The following TSHR variants were observed in gnomAD, a reference collection of about 807,000 sequenced individuals.
TSHR encodes the protein thyrotropin receptor.
Under a neutral mutation model 64.1 loss-of-function variants are expected in TSHR, and 51 were observed. That is an observed-to-expected ratio of 0.80 (90% confidence interval 0.64 to 1.01). The LOEUF (loss-of-function observed/expected upper bound fraction) is 1.01. Ranked by LOEUF, TSHR falls within the 50% of genes least tolerant of loss-of-function variation. TSHR has a pLI of 0.00. For synonymous variants in TSHR, 361 were observed against 361.9 expected, an observed-to-expected ratio of 1.00 and a Z score of 0.03; for missense variants, 877 against 942.8, an observed-to-expected ratio of 0.93 and a Z score of 0.91.
intron 7 of TSHR, 105 bp downstream of exon 7, chr14:81,096,812 C>T (rs1566811630): frequency 1.2e-5 from 15 of 1,278,532 alleles, no homozygotes; most frequent in Middle Eastern, 1.9e-4. Context: ...GCATCTTCCA[C>T]GCCAGAGTTA....
chr14:81,143,176 C>G lies in TSHR; in HGVS notation c.1118C>G (p.Pro373Arg), dbSNP rs749925257. ...GGTTTTGGCCAGGAGCTCAAAAACC[C>G]CCAGGAAGAGACTCTACAAGCTTTT... Reference protein sequence around the residue: ...IIGFGQELKNPQEETLQAFDS... With the variant: ...IIGFGQELKNRQEETLQAFDS... Residue 373 changes from proline (P) to arginine (R), a missense_variant, in exon 10 of 10, where the codon CCC (proline) becomes CGC (arginine). Pro to Arg is a moderately radical substitution (Grantham distance 103, BLOSUM62 -2). Transcript: ENST00000298171. 4 of 1,613,934 alleles carry G rather than the reference C, an allele frequency of 2.5e-6. No individual in the cohort carries two copies. In the African/African-American group the frequency reaches 5.3e-5, roughly 22 times the overall value.
intron 8 of TSHR, among the ~76,000 whole-genome samples, chr14:81,123,780 G>T (rs1346328143): frequency 2.6e-5 from 4 of 152,058 alleles, no homozygotes; most frequent in African/African-American, 9.7e-5. Flanking sequence ...TCCAATATTT[G>T]CTGTTTTTCA....
intron 1 of TSHR, among the ~76,000 whole-genome samples, chr14:81,060,419 T>G (rs1400081077): frequency 1.3e-5 from 2 of 152,136 alleles, no homozygotes; most frequent in Non-Finnish European, 2.9e-5. Flanking sequence ...GGAGAACAAG[T>G]AATTTATGGG....
At chr14:81,034,523 A>G (rs917770760) in intron 1 of TSHR, among the ~76,000 whole-genome samples, 1 of 152,242 alleles carries the variant, frequency 6.6e-6, no homozygotes, top group African/African-American at 2.4e-5. Flanking sequence ...TGAATCTGCC[A>G]TTTGTGAATT....
At chr14:80,986,583 T>A (rs1025856477) in intron 1 of TSHR, among the ~76,000 whole-genome samples, 1 of 152,158 alleles carries the variant, frequency 6.6e-6, no homozygotes, top group Non-Finnish European at 1.5e-5. Flanking sequence ...CCCTCCTGGG[T>A]CCAGGCGATT....
rs772420651 is a variant in TSHR, at chr14:81,068,236, T to C, written c.243-18T>C. The C allele has an allele frequency of 1.1e-5, 18 of 1,611,492 alleles. No homozygotes were observed. The highest frequency in any genetic ancestry group is 1.5e-5 in the Non-Finnish European group (18 of 1,178,374). On this transcript the variant is annotated intron_variant, in intron 2 of 9. Coordinates refer to ENST00000298171, the MANE Select transcript of TSHR (RefSeq NM_000369.5). ...CTTACTAACTTTCTACTTTGTCTTA[T>C]ATTTTTCTGACATTCAGCTACGTAT... is the stretch of plus-strand genomic sequence containing the variant.
At chr14:81,114,609 G>A (rs1473262585) in intron 8 of TSHR, among the ~76,000 whole-genome samples, 1 of 152,164 alleles carries the variant, frequency 6.6e-6, no homozygotes, top group Non-Finnish European at 1.5e-5. Context: ...GGGGAGGGGC[G>A]CCCACCATTG....
chr14:81,091,295 C>A, intron 5 of TSHR, 152 bp downstream of exon 5: 1 of 753,600 alleles, frequency 1.3e-6, no homozygotes. Flanking sequence ...TGAAGTAAGG[C>A]AAGGACTGAG....
chr14:81,008,277 A>G (rs1163175358), intron 1 of TSHR, among the ~76,000 whole-genome samples: 1 of 150,202 alleles, frequency 6.7e-6, no homozygotes, highest in Non-Finnish European at 1.5e-5. Context: ...GGTTCACGCC[A>G]TTCTTCTGCC....
At chr14:81,044,657 C>CAA (rs147382752) in intron 1 of TSHR, among the ~76,000 whole-genome samples, 7,443 of 112,790 alleles carry the variant, frequency 0.066, 225 homozygotes, top group African/African-American at 0.12. Flanking sequence ...GACTCTGTCT[C>CAA]AAAAAAAAAA....
chr14:80,960,699 T>C (rs1241771077), intron 1 of TSHR, among the ~76,000 whole-genome samples: 2 of 152,184 alleles, frequency 1.3e-5, no homozygotes, highest in Non-Finnish European at 2.9e-5. Context: ...AGGTTTCTGA[T>C]GATAAGTAAC....
rs1164742681 is a variant in TSHR, at chr14:80,965,622, T to C, written c.170+9772T>C. ...TACTTAATTACTCTCTTTCATTACA[T>C]TAATTAAAAAATAGCATTTGAAAAT... On this transcript the variant is annotated intron_variant, in intron 1 of 9. Coordinates refer to ENST00000298171, the MANE Select transcript of TSHR (RefSeq NM_000369.5). 1.3e-5 allele frequency among the ~76,000 whole-genome samples: 2 copies of C among 152,208 alleles called. 1 individual carries two copies. The highest frequency in any genetic ancestry group is 3.8e-4 in the East Asian group (2 of 5,202).
At chr14:81,015,305 T>C (rs1002139456) in intron 1 of TSHR, among the ~76,000 whole-genome samples, 5 of 152,160 alleles carry the variant, frequency 3.3e-5, no homozygotes, top group Non-Finnish European at 7.4e-5. Context: ...ATGATACTTA[T>C]GTTTTGTGGC....
At chr14:81,000,880 T>C (rs1284423417) in intron 1 of TSHR, among the ~76,000 whole-genome samples, 1 of 152,218 alleles carries the variant, frequency 6.6e-6, no homozygotes, top group East Asian at 1.9e-4. Context: ...GCAGCCTCTG[T>C]CTCTCAATCT....
intron 8 of TSHR, among the ~76,000 whole-genome samples, chr14:81,127,899 T>C (rs1167929549): frequency 2.0e-5 from 3 of 152,332 alleles, no homozygotes; most frequent in African/African-American, 7.2e-5. Flanking sequence ...GTCTCTGGTA[T>C]GTCTTTATCA....
chr14:81,132,516 T>TA (rs1891289201), intron 8 of TSHR, among the ~76,000 whole-genome samples: 1 of 152,226 alleles, frequency 6.6e-6, no homozygotes, highest in South Asian at 2.1e-4. Context: ...TTCTTCTCTG[T>TA]ATATAATACT....
chr14:81,092,202 T>C (rs1888790902), intron 5 of TSHR, among the ~76,000 whole-genome samples: 1 of 152,206 alleles, frequency 6.6e-6, no homozygotes, highest in African/African-American at 2.4e-5. Context: ...AAAACTCTAG[T>C]TGTTGTGGAC....
At chr14:81,010,312 T>G (rs1273584844) in intron 1 of TSHR, among the ~76,000 whole-genome samples, 1 of 152,074 alleles carries the variant, frequency 6.6e-6, no homozygotes, top group Non-Finnish European at 1.5e-5. Flanking sequence ...AGAAGTTAGA[T>G]ACTAGTCATT....
chr14:81,073,094 A>G (rs559004842), intron 3 of TSHR, among the ~76,000 whole-genome samples: 16 of 147,074 alleles, frequency 1.1e-4, no homozygotes, highest in African/African-American at 3.5e-4. Context: ...AAATATGCAT[A>G]CATATAAAGC....
Sources: allele counts gnomAD v4.1 joint callset (sites outside exome capture counted in the v4.1 genomes callset), GRCh38; gene constraint gnomAD v4.1.1; transcripts MANE v1.5; gene names NCBI Gene and HGNC (gene_info 2026-07-23, HGNC 2026-07-21).